Variants in NXPE2 observed in about 807,000 individuals in gnomAD.
NXPE2 encodes neurexophilin and PC-esterase domain family member 2.
NXPE2 carries 34 observed loss-of-function variants against 34.4 expected under a neutral mutation model. That is an observed-to-expected ratio of 0.99 (90% confidence interval 0.75 to 1.31). The LOEUF (loss-of-function observed/expected upper bound fraction) is 1.31. Ranked by LOEUF, NXPE2 falls within the 40% of genes most tolerant of loss-of-function variation. The pLI, the probability that NXPE2 is intolerant of heterozygous loss-of-function variation, is 0.00. For synonymous variants in NXPE2, 235 were observed against 231.3 expected (o/e 1.02, Z -0.15); for missense variants, 649 against 672.5 (o/e 0.97, Z 0.39).
chr11:114,485,289 T>G, the NXPE2 span, among the ~76,000 whole-genome samples: 26 of 151,554 alleles, frequency 1.7e-4, 1 homozygote, highest in Middle Eastern at 3.4e-3. Flanking sequence ...GCTCACTGCA[T>G]CCTCCACCTC....
intron 2 of NXPE2, among the ~76,000 whole-genome samples, chr11:114,696,354 A>C (rs1373721795): frequency 1.3e-5 from 2 of 148,654 alleles, no homozygotes; most frequent in South Asian, 2.1e-4. Flanking sequence ...AAAAAAAAAA[A>C]AAAAAGAAAG....
At chr11:114,779,353 C>T in the NXPE2 span, among the ~76,000 whole-genome samples, 3 of 146,608 alleles carry the variant, frequency 2.0e-5, no homozygotes, top group African/African-American at 5.1e-5. Context: ...TGGCCTGGGG[C>T]GGTGTGGGGG....
the NXPE2 span, among the ~76,000 whole-genome samples, chr11:114,640,235 T>C: frequency 7.1e-6 from 1 of 140,954 alleles, no homozygotes. Flanking sequence ...ATATATAAAT[T>C]ATATATTATA....
chr11:114,621,390 CGTG>C, the NXPE2 span, among the ~76,000 whole-genome samples: 26 of 152,190 alleles, frequency 1.7e-4, no homozygotes, highest in East Asian at 4.8e-3. Context: ...TCTGTTATCT[CGTG>C]GGTAACCACA....
chr11:114,618,852 A>G, the NXPE2 span, among the ~76,000 whole-genome samples: 78,461 of 151,014 alleles, frequency 0.52, 21,152 homozygotes, highest in African/African-American at 0.65. Flanking sequence ...ATTGGTACCC[A>G]GTGGATCCTA....
the NXPE2 span, chr11:114,530,808 G>A: frequency 6.2e-7 from 1 of 1,614,210 alleles, no homozygotes; most frequent in East Asian, 2.2e-5. Context: ...TTCAGTCTCT[G>A]TTAGTGGCTT....
chr11:114,614,065 C>T, the NXPE2 span, among the ~76,000 whole-genome samples: 1 of 151,330 alleles, frequency 6.6e-6, no homozygotes, highest in Non-Finnish European at 1.5e-5. Context: ...TAAGTGTCGC[C>T]TCATGCATAA....
chr11:114,690,798 A>C (rs1951135338), intron 2 of NXPE2, among the ~76,000 whole-genome samples: 1 of 151,850 alleles, frequency 6.6e-6, no homozygotes, highest in Non-Finnish European at 1.5e-5. Context: ...AATTATTTTT[A>C]TTTTTGTCTG....
the NXPE2 span, among the ~76,000 whole-genome samples, chr11:114,512,155 T>C: frequency 6.6e-6 from 1 of 152,210 alleles, no homozygotes; most frequent in Non-Finnish European, 1.5e-5. Context: ...ATACTGTGTA[T>C]GTATAAGTTC....
At chr11:114,799,291 CAA>C in the NXPE2 span, among the ~76,000 whole-genome samples, 2,023 of 94,348 alleles carry the variant, frequency 0.021, 23 homozygotes, top group East Asian at 0.063. Context: ...GGCAATGAAG[CAA>C]AAAAAAAAAA....
At chr11:114,652,028 A>C in the NXPE2 span, among the ~76,000 whole-genome samples, 117 of 152,336 alleles carry the variant, frequency 7.7e-4, 1 homozygote, top group East Asian at 0.021. Context: ...TGGAACTCCA[A>C]AGCATTTGTT....
At chr11:114,745,231 G>A in the NXPE2 span, among the ~76,000 whole-genome samples, 2 of 152,120 alleles carry the variant, frequency 1.3e-5, no homozygotes, top group African/African-American at 2.4e-5. Context: ...TTGGGTCACA[G>A]TTCTGCAGGC....
chr11:114,510,043 A>G, the NXPE2 span, among the ~76,000 whole-genome samples: 1 of 152,228 alleles, frequency 6.6e-6, no homozygotes, highest in African/African-American at 2.4e-5. Context: ...CATAGCATGT[A>G]TTATGAATTA....
the NXPE2 span, among the ~76,000 whole-genome samples, chr11:114,605,590 G>A: frequency 0.062 from 9,302 of 151,174 alleles, 351 homozygotes; most frequent in Non-Finnish European, 0.089. Context: ...GTATTGCCTC[G>A]TCGGTAACCA....
the NXPE2 span, among the ~76,000 whole-genome samples, chr11:114,517,558 A>G: frequency 1.3e-5 from 2 of 152,184 alleles, no homozygotes; most frequent in African/African-American, 2.4e-5. Flanking sequence ...TGTTCTAGAT[A>G]CACAGAGATA....
chr11:114,506,569 C>G, the NXPE2 span, among the ~76,000 whole-genome samples: 1 of 152,052 alleles, frequency 6.6e-6, no homozygotes, highest in East Asian at 1.9e-4. Context: ...GAAATCAAGA[C>G]TAAGAAATTC....
the NXPE2 span, among the ~76,000 whole-genome samples, chr11:114,802,088 G>C: frequency 6.6e-6 from 1 of 152,132 alleles, no homozygotes; most frequent in African/African-American, 2.4e-5. Context: ...CTGAACCTTG[G>C]GGATGCCAAG....
At chr11:114,530,723 G>T in the NXPE2 span, 3 of 1,614,180 alleles carry the variant, frequency 1.9e-6, no homozygotes, top group Non-Finnish European at 2.5e-6. Context: ...TGGCACTGGT[G>T]GTGGTGTTCA....
At chr11:114,798,765 C>CTCTAAGTT in the NXPE2 span, among the ~76,000 whole-genome samples, 2 of 152,230 alleles carry the variant, frequency 1.3e-5, no homozygotes, top group African/African-American at 4.8e-5. Flanking sequence ...TTGCCCCTGT[C>CTCTAAGTT]TCTAAGTTTC....
Sources: allele counts gnomAD v4.1 joint callset (sites outside exome capture counted in the v4.1 genomes callset), GRCh38; gene constraint gnomAD v4.1.1; transcripts MANE v1.5; gene names NCBI Gene and HGNC (gene_info 2026-07-23, HGNC 2026-07-21).